Variants in ANO3 observed in about 807,000 individuals in gnomAD.
The protein encoded by ANO3 is anoctamin-3.
A neutral mutation model predicts 144.8 loss-of-function variants in ANO3; 99 were observed. The observed-to-expected ratio is 0.68, with a 90% CI of 0.58 to 0.81. The LOEUF (loss-of-function observed/expected upper bound fraction) is 0.81, where lower values mean the gene tolerates loss of function less well. Ranked by LOEUF, ANO3 falls within the 30% of genes least tolerant of loss-of-function variation. The pLI is 0.00. For missense variants in ANO3, 905 were observed against 1,202.2 expected, an observed-to-expected ratio of 0.75 and a Z score of 3.66; for synonymous variants, 414 against 392.6, an observed-to-expected ratio of 1.05 and a Z score of -0.64.
intron 1 of ANO3, among the ~76,000 whole-genome samples, chr11:26,267,916 G>T (rs1853350790): frequency 6.6e-6 from 1 of 151,814 alleles, no homozygotes; most frequent in African/African-American, 2.4e-5. Flanking sequence ...TGAATCATAT[G>T]CTAAAATAAA....
At chr11:26,430,300 ATATATG>A (rs1219681186) in intron 1 of ANO3, among the ~76,000 whole-genome samples, 1 of 151,930 alleles carries the variant, frequency 6.6e-6, no homozygotes, top group Non-Finnish European at 1.5e-5. Flanking sequence ...TAGATCATAT[ATATATG>A]TATGTGTCTA....
intron 1 of ANO3, among the ~76,000 whole-genome samples, chr11:26,315,845 C>A (rs1854614403): frequency 6.6e-6 from 1 of 152,090 alleles, no homozygotes; most frequent in Non-Finnish European, 1.5e-5. Context: ...TGTTCATCAA[C>A]TTAAAACCAC....
intron 1 of ANO3, among the ~76,000 whole-genome samples, chr11:26,318,538 C>A (rs1183965339): frequency 1.3e-5 from 2 of 152,160 alleles, no homozygotes; most frequent in African/African-American, 4.8e-5. Context: ...GGTAGGGAGA[C>A]ACGACTGACA....
intron 1 of ANO3, among the ~76,000 whole-genome samples, chr11:26,192,413 A>G (rs1466162116): frequency 6.6e-6 from 1 of 152,198 alleles, no homozygotes. Context: ...GTATGTTCTC[A>G]ACATTCATGT....
chr11:26,442,210 G>A (rs993235113), intron 2 of ANO3, 98 bp downstream of exon 2: 1 of 1,216,314 alleles, frequency 8.2e-7, no homozygotes, highest in Non-Finnish European at 1.2e-6. Context: ...GTTTTATAGA[G>A]CTCTTCAGGA....
chr11:26,576,385 T>G (rs1469639112), intron 14 of ANO3, among the ~76,000 whole-genome samples: 1 of 152,152 alleles, frequency 6.6e-6, no homozygotes, highest in South Asian at 2.1e-4. Context: ...TATAATAATT[T>G]TTTTGGAGAT....
chr11:26,289,661 GTGTGTATATGTACATATACACACATA>G (rs1853903151), intron 1 of ANO3, among the ~76,000 whole-genome samples: 1 of 86,628 alleles, frequency 1.2e-5, no homozygotes, highest in Non-Finnish European at 2.2e-5. Context: ...TATTCTATAT[GTGTGTATATGTACATATACACACATA>G]TATTCTATAT....
chr11:26,493,679 C>G (rs1860807409), intron 4 of ANO3, among the ~76,000 whole-genome samples: 1 of 152,170 alleles, frequency 6.6e-6, no homozygotes, highest in Non-Finnish European at 1.5e-5. Context: ...AGGAATGTCA[C>G]AGGCTAGTCC....
At chr11:26,432,100 C>G (rs1225441663) in intron 1 of ANO3, among the ~76,000 whole-genome samples, 2 of 152,064 alleles carry the variant, frequency 1.3e-5, no homozygotes, top group Admixed American at 1.3e-4. Context: ...AATAATTATT[C>G]TGACAGATGT....
intron 1 of ANO3, among the ~76,000 whole-genome samples, chr11:26,263,306 A>T (rs1033770366): frequency 6.6e-6 from 1 of 152,206 alleles, no homozygotes; most frequent in African/African-American, 2.4e-5. Flanking sequence ...CGAAGACTAG[A>T]GGGCAGAAGA....
At chr11:26,260,284 T>C (rs1216578261) in intron 1 of ANO3, among the ~76,000 whole-genome samples, 1 of 152,172 alleles carries the variant, frequency 6.6e-6, no homozygotes, top group African/African-American at 2.4e-5. Flanking sequence ...AATGATAATA[T>C]TTTTATATTA....
upstream of ANO3, among the ~76,000 whole-genome samples, chr11:26,308,592 A>C (rs143728983): frequency 0.02 from 3,059 of 152,322 alleles, 92 homozygotes; most frequent in African/African-American, 0.066. Flanking sequence ...TAAATATATC[A>C]TGTATCAATT....
chr11:26,545,121 G>T (rs1849753932), intron 11 of ANO3, among the ~76,000 whole-genome samples: 1 of 151,952 alleles, frequency 6.6e-6, no homozygotes, highest in African/African-American at 2.4e-5. Context: ...CTTAAAATTT[G>T]TAACTACTTA....
intron 1 of ANO3, among the ~76,000 whole-genome samples, chr11:26,402,421 G>A (rs976953229): frequency 1.3e-5 from 2 of 151,922 alleles, no homozygotes; most frequent in Non-Finnish European, 2.9e-5. Flanking sequence ...ATATATGATT[G>A]TTAACCCCAT....
At chr11:26,494,301 G>A (rs1317140860) in intron 4 of ANO3, among the ~76,000 whole-genome samples, 1 of 151,984 alleles carries the variant, frequency 6.6e-6, no homozygotes, top group Non-Finnish European at 1.5e-5. Flanking sequence ...CTTGCCAGAT[G>A]ATGGTTGTCA....
At chr11:26,309,278 T>C (rs1291799453), upstream of ANO3, among the ~76,000 whole-genome samples, 1 of 151,794 alleles carries the variant, frequency 6.6e-6, no homozygotes, top group Non-Finnish European at 1.5e-5. Flanking sequence ...AAGATCAGAG[T>C]GAGCAAAGGA....
chr11:26,333,448 A>AT (rs1158796104), intron 1 of ANO3, among the ~76,000 whole-genome samples: 5 of 151,672 alleles, frequency 3.3e-5, no homozygotes, highest in African/African-American at 4.8e-5. Flanking sequence ...AGCCCAGCTA[A>AT]TTTTTTTGTG....
At chr11:26,593,728 T>C (rs1000125088) in intron 14 of ANO3, among the ~76,000 whole-genome samples, 2 of 152,170 alleles carry the variant, frequency 1.3e-5, no homozygotes, top group Non-Finnish European at 2.9e-5. Context: ...GGACAATCTT[T>C]TTTAAAGTGT....
chr11:26,324,603 A>G (rs954957841), intron 1 of ANO3, among the ~76,000 whole-genome samples: 1 of 152,232 alleles, frequency 6.6e-6, no homozygotes, highest in Admixed American at 6.5e-5. Context: ...AATCTGTATT[A>G]GCCAATGTTT....
Sources: gnomAD v4.1 joint callset for allele counts (sites outside exome capture counted in the v4.1 genomes callset) on GRCh38, gnomAD v4.1.1 for gene constraint, MANE v1.5 for transcripts, NCBI Gene and HGNC (gene_info 2026-07-23, HGNC 2026-07-21) for gene names.